The following COL5A3 variants were observed in gnomAD, a reference collection of about 807,000 sequenced individuals.
COL5A3 encodes collagen type V alpha 3 chain.
A neutral mutation model predicts 250.0 loss-of-function variants in COL5A3; 172 were observed. The ratio of observed to expected loss-of-function variants is 0.69; its 90% CI spans 0.61 to 0.78. The LOEUF (loss-of-function observed/expected upper bound fraction) is 0.78. Among genes scored for constraint, COL5A3 ranks in the 30% least tolerant of loss-of-function variants. The pLI is 0.00. For synonymous variants in COL5A3, 937 were observed against 900.4 expected (o/e 1.04, Z -0.73); for missense variants, 2,340 against 2,334.4 (o/e 1.00, Z -0.05).
At chr19:9,993,000 G>A (rs1180260554) in intron 20 of COL5A3, 23 bp downstream of exon 20, 1 of 1,612,860 alleles carries the variant, frequency 6.2e-7, no homozygotes, top group Non-Finnish European at 8.5e-7. Context: ...CAAGCAAGGG[G>A]CCCAGGGATC....
Position 10,010,412 on chromosome 19 carries a change from G to T in COL5A3, c.-27C>A. 1 of 1,361,910 alleles carries T rather than the reference G, an allele frequency of 7.3e-7. No homozygotes were observed. Among genetic ancestry groups the T allele is most frequent in the Non-Finnish European group, 9.5e-7 (1 of 1,048,946 alleles). The allele number at this position is 1,361,910 out of a possible 1,614,324, so 84.4% of individuals were successfully genotyped here. On this transcript the variant is annotated 5_prime_UTR_variant, in exon 1 of 67. Coordinates refer to ENST00000264828, the MANE Select transcript of COL5A3 (RefSeq NM_015719.4). ...CCGGCGGGGCCCACGGGCAAGGCGG[G>T]GAACCAGTCGGGGCGGCTGCGGGGC...
intron 64 of COL5A3, 146 bp downstream of exon 64, chr19:9,966,168 G>T: frequency 1.5e-6 from 1 of 659,210 alleles, no homozygotes; most frequent in Non-Finnish European, 2.6e-6. Flanking sequence ...TGTAGTCCCA[G>T]CTCTTGAGGC....
At chr19:9,972,367 A>G (rs1180887471) in intron 51 of COL5A3, among the ~76,000 whole-genome samples, 1 of 152,168 alleles carries the variant, frequency 6.6e-6, no homozygotes, top group Non-Finnish European at 1.5e-5. Context: ...CCATTTATTC[A>G]TTCACGTATT....
chr19:9,968,338 A>T lies in COL5A3; in HGVS notation c.4314+47T>A. ...CCCCACACCCACAGTCTCTCAACCG[A>T]CCCCCTCCTTCAAATGCATTCTTCC... is the stretch of plus-strand genomic sequence containing the variant. On this transcript the variant is annotated intron_variant, in intron 59 of 66. Coordinates refer to ENST00000264828, the MANE Select transcript of COL5A3 (RefSeq NM_015719.4). This position sits in a 1 kb window ranked among gnomAD's most constrained non-coding sequence, Gnocchi z 4.1. The T allele has an allele frequency of 7.6e-7, 1 of 1,314,750 alleles. No homozygotes were observed. The highest frequency in any genetic ancestry group is 1.1e-6 in the Non-Finnish European group (1 of 924,642). The allele number at this position is 1,314,750 out of a possible 1,614,324, so 81.4% of individuals were successfully genotyped here. A position where few individuals can be genotyped will look rare whatever the true frequency, so the allele number is the denominator to read the frequency against.
chr19:9,999,766 C>G lies in COL5A3; in HGVS notation c.1111-1617G>C, dbSNP rs184895771. On this transcript the variant is annotated intron_variant, in intron 8 of 66. Transcript: ENST00000264828. Reference sequence around the variant, plus strand: ...CAGGCGTGAGCCACCGCGCCTGGCCCAAGCCTCTTTTCTTTTCTCTAGAGA... The same window carrying G: ...CAGGCGTGAGCCACCGCGCCTGGCCGAAGCCTCTTTTCTTTTCTCTAGAGA... Among the ~76,000 whole-genome samples, 367 of 152,078 alleles carry G rather than the reference C, an allele frequency of 2.4e-3. 5 individuals are homozygous for G. The highest frequency in any genetic ancestry group is 0.019 in the Admixed American group (284 of 15,272).
At chr19:9,973,459 CA>C in intron 50 of COL5A3, 110 bp downstream of exon 50, 1 of 1,100,926 alleles carries the variant, frequency 9.1e-7, no homozygotes, top group South Asian at 1.5e-5. Context: ...GGCCACAGGA[CA>C]GGGGTGAGTG....
At chr19:9,985,777 C>A (rs1599552181) in intron 31 of COL5A3, 65 bp downstream of exon 31, 4 of 1,441,632 alleles carry the variant, frequency 2.8e-6, no homozygotes, top group Admixed American at 3.4e-5. Context: ...ACAGCCTGGA[C>A]CCCCAGATGT....
At chr19:9,991,588 G>T (rs773735362) in intron 24 of COL5A3, 22 bp downstream of exon 24, 1 of 1,570,420 alleles carries the variant, frequency 6.4e-7, no homozygotes, top group Non-Finnish European at 8.6e-7. Context: ...AGGAGGTCGC[G>T]GTAGGTGGAG....
At chr19:9,999,200 AT>A (rs144312768) in intron 8 of COL5A3, among the ~76,000 whole-genome samples, 26 of 94,648 alleles carry the variant, frequency 2.7e-4, no homozygotes, top group South Asian at 1.3e-3. Flanking sequence ...TTTGCTTGGC[AT>A]TTTTTTTTTG....
At chr19:9,996,886 CAG>C in intron 11 of COL5A3, 197 bp from the exon 12 acceptor site, 1 of 572,924 alleles carries the variant, frequency 1.7e-6, no homozygotes, top group South Asian at 2.3e-5. Context: ...AGAGATGGAA[CAG>C]AGACAAAGAG....
intron 64 of COL5A3, among the ~76,000 whole-genome samples, chr19:9,963,935 G>A (rs957117068): frequency 6.6e-5 from 10 of 152,046 alleles, no homozygotes; most frequent in East Asian, 3.9e-4. Context: ...TTGGGAGGCC[G>A]AGATGGGTGG....
At chr19:10,004,847 C>T (rs768850845) in intron 4 of COL5A3, among the ~76,000 whole-genome samples, 9 of 152,204 alleles carry the variant, frequency 5.9e-5, no homozygotes, top group Non-Finnish European at 1.0e-4. Context: ...ACCGCCCCCA[C>T]ACAATCACAC....
intron 44 of COL5A3, 84 bp from the exon 45 acceptor site, chr19:9,976,695 C>T (rs1156248028): frequency 1.9e-6 from 2 of 1,037,600 alleles, no homozygotes; most frequent in South Asian, 3.0e-5. Flanking sequence ...CTGCCTCCCA[C>T]ACCCCCTTTA....
At position 9,975,246 on chromosome 19, in the gene COL5A3, T is replaced by G. The variant is rs985917038; in HGVS notation, c.3343-838A>C. ...CCCGCCACCATGCCCAGCAAATTTT[T>G]TTTTTGTATTTTTAGTAGAGATGGG... is the stretch of plus-strand genomic sequence containing the variant. On this transcript the variant is annotated intron_variant, in intron 45 of 66. Transcript: ENST00000264828. 3.9e-5 allele frequency among the ~76,000 whole-genome samples: 6 copies of G among 152,100 alleles called. No individual in the cohort carries two copies. In the South Asian group the frequency reaches 1.0e-3, roughly 26 times the overall value.
chr19:9,970,378 CGGGGGCTGTGGGGTG>C lies in COL5A3; in HGVS notation c.3936+229_3936+243del. ...GGCTGAGTGGGGTCTGTGGGGTAAG[CGGGGGCTGTGGGGTG>C]AGTGGGGTCTGTGGGGTGAGTGGGG... On this transcript the variant is annotated intron_variant, in intron 54 of 66. Transcript: ENST00000264828. Among the ~76,000 whole-genome samples the C allele has an allele frequency of 4.1e-4, 6 of 14,702 alleles. No homozygotes were observed. The Admixed American group carries it at 4.3e-3, about 11-fold the overall frequency. 9.6% of individuals were successfully genotyped at this position (14,702 alleles called of 152,430 possible).
chr19:9,990,663 T>C (rs1367655162), intron 24 of COL5A3, among the ~76,000 whole-genome samples: 1 of 151,814 alleles, frequency 6.6e-6, no homozygotes, highest in Non-Finnish European at 1.5e-5. Context: ...CCCAGGTTCA[T>C]GCCATTCTCC....
intron 30 of COL5A3, 62 bp downstream of exon 30, chr19:9,986,253 G>A (rs1331868444): frequency 2.6e-6 from 3 of 1,160,440 alleles, no homozygotes; most frequent in Non-Finnish European, 3.7e-6. Context: ...AGGGCAAAGG[G>A]CAGAGGGAAA....
intron 30 of COL5A3, 134 bp downstream of exon 30, chr19:9,986,181 G>A: frequency 1.5e-6 from 1 of 662,358 alleles, no homozygotes; most frequent in Non-Finnish European, 2.6e-6. Context: ...CTGTAATGCT[G>A]AGCTGAGGAA....
intron 64 of COL5A3, among the ~76,000 whole-genome samples, chr19:9,965,598 G>A (rs1020575431): frequency 3.3e-5 from 5 of 151,424 alleles, no homozygotes; most frequent in South Asian, 2.1e-4. Flanking sequence ...GATTACAGGC[G>A]CCCGCCATCA....
Sources: gnomAD v4.1 joint callset for allele counts (sites outside exome capture counted in the v4.1 genomes callset) on GRCh38, gnomAD v4.1.1 for gene constraint, Gnocchi (gnomAD v3.1) non-coding constraint, MANE v1.5 for transcripts, NCBI Gene and HGNC (gene_info 2026-07-23, HGNC 2026-07-21) for gene names.